The following DCBLD2 variants were observed in gnomAD, a reference collection of about 807,000 sequenced individuals.
The protein encoded by DCBLD2 is discoidin, CUB and LCCL domain containing 2.
Under a neutral mutation model 86.8 loss-of-function variants are expected in DCBLD2, and 54 were observed. The observed-to-expected ratio is 0.62, with a 90% CI of 0.50 to 0.78. The LOEUF is 0.78. Ranked by LOEUF, DCBLD2 falls within the 30% of genes least tolerant of loss-of-function variation. The probability of loss-of-function intolerance (pLI) is 0.00; values close to 1 mark genes in which losing one functional copy is unlikely to be tolerated. For missense variants in DCBLD2, 908 were observed against 954.2 expected, an observed-to-expected ratio of 0.95 and a Z score of 0.64; for synonymous variants, 354 against 341.3, an observed-to-expected ratio of 1.04 and a Z score of -0.41.
At chr3:98,883,377 G>T (rs1279431936) in intron 1 of DCBLD2, among the ~76,000 whole-genome samples, 1 of 151,786 alleles carries the variant, frequency 6.6e-6, no homozygotes, top group Non-Finnish European at 1.5e-5. Flanking sequence ...AGTTCCTCCC[G>T]CACACCTTAT....
chr3:98,877,688 C>A (rs1015893735), intron 2 of DCBLD2, among the ~76,000 whole-genome samples: 1 of 152,040 alleles, frequency 6.6e-6, no homozygotes, highest in Non-Finnish European at 1.5e-5. Flanking sequence ...AACCTAGCAA[C>A]CAGACATTGA....
intron 1 of DCBLD2, among the ~76,000 whole-genome samples, chr3:98,895,736 C>T (rs1943741083): frequency 1.3e-5 from 2 of 152,120 alleles, no homozygotes; most frequent in African/African-American, 4.8e-5. Context: ...CTTACATAAC[C>T]TTCTGATATC....
intron 2 of DCBLD2, among the ~76,000 whole-genome samples, chr3:98,849,916 C>T (rs1391880716): frequency 6.6e-6 from 1 of 151,992 alleles, no homozygotes; most frequent in African/African-American, 2.4e-5. Flanking sequence ...AATATTTCAT[C>T]CAGGCAGGTG....
At chr3:98,890,124 G>A (rs559544278) in intron 1 of DCBLD2, among the ~76,000 whole-genome samples, 7 of 152,006 alleles carry the variant, frequency 4.6e-5, no homozygotes, top group Non-Finnish European at 8.8e-5. Context: ...AAAGACACAT[G>A]TTCAAGTCCT....
chr3:98,836,238 T>G (rs1022097149), intron 3 of DCBLD2, among the ~76,000 whole-genome samples: 10 of 145,604 alleles, frequency 6.9e-5, no homozygotes, highest in African/African-American at 2.3e-4. Context: ...TGTTGTCCCT[T>G]GCCTGAAAAT....
At chr3:98,871,128 T>C (rs955451543) in intron 2 of DCBLD2, among the ~76,000 whole-genome samples, 1 of 152,102 alleles carries the variant, frequency 6.6e-6, no homozygotes, top group African/African-American at 2.4e-5. Context: ...GATGTGTGTA[T>C]GGTGATTTTG....
At chr3:98,846,287 A>G (rs1468228448) in intron 3 of DCBLD2, among the ~76,000 whole-genome samples, 1 of 152,188 alleles carries the variant, frequency 6.6e-6, no homozygotes, top group Non-Finnish European at 1.5e-5. Flanking sequence ...TTTCATTCCC[A>G]AATACTCTAA....
chr3:98,866,700 CTTTAG>C (rs1390666969), intron 2 of DCBLD2, among the ~76,000 whole-genome samples: 2 of 152,114 alleles, frequency 1.3e-5, no homozygotes, highest in African/African-American at 4.8e-5. Flanking sequence ...TGCAGAAGCT[CTTTAG>C]TTTAATTAGA....
intron 1 of DCBLD2, among the ~76,000 whole-genome samples, chr3:98,893,954 C>T (rs1943707544): frequency 6.6e-6 from 1 of 152,194 alleles, no homozygotes; most frequent in East Asian, 1.9e-4. Flanking sequence ...TCATTTGTGG[C>T]AGATCTAATC....
chr3:98,856,863 A>G (rs1390563818), intron 2 of DCBLD2, among the ~76,000 whole-genome samples: 1 of 152,238 alleles, frequency 6.6e-6, no homozygotes, highest in Non-Finnish European at 1.5e-5. Flanking sequence ...GACTAAAAAG[A>G]ATATTTAAAA....
intron 1 of DCBLD2, among the ~76,000 whole-genome samples, chr3:98,891,735 C>T (rs1252578349): frequency 6.6e-6 from 1 of 152,098 alleles, no homozygotes; most frequent in Non-Finnish European, 1.5e-5. Context: ...TCCCCACATG[C>T]TCCACGCTCT....
chr3:98,802,310 T>C (rs558187850), intron 13 of DCBLD2, among the ~76,000 whole-genome samples: 3 of 152,366 alleles, frequency 2.0e-5, no homozygotes, highest in African/African-American at 7.2e-5. Flanking sequence ...TGGCCAGTGA[T>C]GATGAGCATT....
At chr3:98,898,487 C>T (rs903865766) in intron 1 of DCBLD2, among the ~76,000 whole-genome samples, 4 of 151,268 alleles carry the variant, frequency 2.6e-5, no homozygotes, top group Admixed American at 1.3e-4. Context: ...TGACTATATG[C>T]GAATTACAGA....
chr3:98,859,799 T>C (rs1943005568), intron 2 of DCBLD2, among the ~76,000 whole-genome samples: 1 of 151,794 alleles, frequency 6.6e-6, no homozygotes, highest in Non-Finnish European at 1.5e-5. Context: ...AATCTGAAAA[T>C]TCTAAAAATC....
Position 98,829,289 on chromosome 3 carries a change from T to C in DCBLD2, c.572-3923A>G, listed in dbSNP as rs373402357. Among the ~76,000 whole-genome samples the C allele has an allele frequency of 4.7e-4, 71 of 152,306 alleles. 2 individuals are homozygous for C. The South Asian group carries it at 0.014, about 29-fold the overall frequency. ...GAACATAGTACCCAACAGGTAGTTT[T>C]CCTTTTAACTTTATTTTAGGTTCAA... On this transcript the variant is annotated intron_variant, in intron 3 of 15. Coordinates refer to ENST00000326840, the MANE Select transcript of DCBLD2 (RefSeq NM_080927.4).
chr3:98,838,785 C>G (rs979507432), intron 3 of DCBLD2, among the ~76,000 whole-genome samples: 1 of 152,174 alleles, frequency 6.6e-6, no homozygotes, highest in African/African-American at 2.4e-5. Context: ...GAGACTCCGT[C>G]TGCAATCCCG....
intron 15 of DCBLD2, 132 bp downstream of exon 15, chr3:98,800,447 G>A (rs1941698434): frequency 6.0e-6 from 6 of 1,004,644 alleles, no homozygotes; most frequent in Non-Finnish European, 7.2e-6. Context: ...TAAAAAAGTG[G>A]TTCTACCTTT....
chr3:98,801,803 G>C lies in DCBLD2; in HGVS notation c.1671-154C>G, dbSNP rs550408328. The C allele has an allele frequency of 1.5e-5, 8 of 537,878 alleles. No homozygotes were observed. The East Asian group carries it at 1.5e-4, about 10-fold the overall frequency. 33.3% of individuals were successfully genotyped at this position (537,878 alleles called of 1,614,324 possible). On this transcript the variant is annotated intron_variant, in intron 13 of 15. Transcript: ENST00000326840. ...TCCCACCTATGAGTGAGAACATGCG[G>C]TGTTTGGTTTTTTGTCCTTGGGACA...
At chr3:98,846,868 T>C (rs571575332) in intron 3 of DCBLD2, among the ~76,000 whole-genome samples, 7 of 136,030 alleles carry the variant, frequency 5.1e-5, no homozygotes, top group Non-Finnish European at 1.0e-4. Flanking sequence ...ATATCTAATA[T>C]GAGAACCTTT....
Sources: gnomAD v4.1 joint callset for allele counts (sites outside exome capture counted in the v4.1 genomes callset) on GRCh38, gnomAD v4.1.1 for gene constraint, MANE v1.5 for transcripts, NCBI Gene and HGNC (gene_info 2026-07-23, HGNC 2026-07-21) for gene names.